Variants in PSEN2 observed in about 807,000 individuals in gnomAD.
PSEN2 encodes presenilin 2, also known as presenilin-2.
PSEN2 carries 32 observed loss-of-function variants against 49.1 expected under a neutral mutation model. That is an observed-to-expected ratio of 0.65 (90% CI 0.49 to 0.88). The LOEUF is 0.88. Ranked by LOEUF, PSEN2 falls within the 40% of genes least tolerant of loss-of-function variation. PSEN2 has a pLI of 0.00. For missense variants in PSEN2, 522 were observed against 586.9 expected (o/e 0.89, Z 1.14); for synonymous variants, 255 against 244.0 (o/e 1.05, Z -0.42).
At chr1:226,883,584 G>C (rs117724727) in intron 4 of PSEN2, 121 bp from the exon 5 acceptor site, 3 of 935,550 alleles carry the variant, frequency 3.2e-6, no homozygotes, top group Non-Finnish European at 5.1e-6. Context: ...CTCATAGACT[G>C]CTCCTTATAT....
chr1:226,895,655 G>A lies in PSEN2; in HGVS notation c.*76G>A. On this transcript the variant is annotated 3_prime_UTR_variant, in exon 13 of 13. Coordinates refer to ENST00000366783, the MANE Select transcript of PSEN2 (RefSeq NM_000447.3). ...CAGTTGTATAGTTTTACACTCTAGTGCCATATATTTTTAAGACTTTTCTTT... is the reference window on the plus strand; with the variant it reads ...CAGTTGTATAGTTTTACACTCTAGTACCATATATTTTTAAGACTTTTCTTT... 3.4e-6 allele frequency: 5 copies of A among 1,476,106 alleles called. No individual in the cohort carries two copies. Among genetic ancestry groups the A allele is most frequent in the Non-Finnish European group, 4.6e-6 (5 of 1,080,202 alleles). 91.4% of individuals were successfully genotyped at this position (1,476,106 alleles called of 1,614,324 possible).
rs139332886 is a variant in PSEN2 at position 226,883,728 on chromosome 1, C to A, written c.165C>A (p.Asp55Glu). The change falls in exon 5 of 13, where the codon GAC becomes GAA. Residue 55 changes from aspartate (D) to glutamate (E), a missense_variant. By Grantham distance (45) the Asp-to-Glu change is conservative (BLOSUM62 2). Coordinates refer to ENST00000366783, the MANE Select transcript of PSEN2 (RefSeq NM_000447.3). ...AQWRSQENEE[D>E]GEEDPDRYVC... is the part of the protein sequence containing the mutation. ...AGAGAAGCCAGGAGAACGAGGAGGA[C>A]GGTGAGGAGGACCCTGACCGCTATG... is the stretch of plus-strand genomic sequence containing the variant. The A allele has an allele frequency of 6.2e-7, 1 of 1,614,066 alleles. No individual in the cohort carries two copies.
intron 11 of PSEN2, among the ~76,000 whole-genome samples, chr1:226,892,592 C>CG (rs1661833969): frequency 6.6e-6 from 1 of 152,128 alleles, no homozygotes; most frequent in African/African-American, 2.4e-5. Flanking sequence ...GCTTGGCATA[C>CG]AGGACTCCAG....
chr1:226,874,093 T>C, intron 2 of PSEN2, among the ~76,000 whole-genome samples: 1 of 152,116 alleles, frequency 6.6e-6, no homozygotes, highest in East Asian at 1.9e-4. Context: ...TTGAGAGTTT[T>C]GAGGTGACAG....
chr1:226,884,020 C>A, intron 5 of PSEN2, 101 bp downstream of exon 5: 1 of 1,024,216 alleles, frequency 9.8e-7, no homozygotes, highest in Non-Finnish European at 1.5e-6. Flanking sequence ...TGCAGCTCCA[C>A]ACCAGCAGCG....
chr1:226,876,759 C>T (rs1355170198), intron 3 of PSEN2, among the ~76,000 whole-genome samples: 2 of 152,130 alleles, frequency 1.3e-5, no homozygotes, highest in Non-Finnish European at 2.9e-5. Flanking sequence ...TTTTGGTGGT[C>T]CTGTCACAGT....
At chr1:226,892,311 A>G (rs1661812436) in intron 11 of PSEN2, among the ~76,000 whole-genome samples, 1 of 152,190 alleles carries the variant, frequency 6.6e-6, no homozygotes, top group South Asian at 2.1e-4. Context: ...AGAGGAGCAC[A>G]GGGTGGGGAG....
At chr1:226,892,087 G>T (rs1661797844) in intron 11 of PSEN2, among the ~76,000 whole-genome samples, 1 of 152,212 alleles carries the variant, frequency 6.6e-6, no homozygotes, top group Admixed American at 6.5e-5. Context: ...GTGAGGCCCA[G>T]CCCTGGTGGG....
At chr1:226,900,546 A>C (rs1165918435), downstream of PSEN2, among the ~76,000 whole-genome samples, 1 of 152,222 alleles carries the variant, frequency 6.6e-6, no homozygotes, top group Non-Finnish European at 1.5e-5. Context: ...AGGGTCCTGT[A>C]ACCACTGCCT....
At chr1:226,880,682 T>C (rs1008980455) in intron 3 of PSEN2, 1 of 1,612,944 alleles carries the variant, frequency 6.2e-7, no homozygotes, top group Non-Finnish European at 8.5e-7. Context: ...CAGGCATTGT[T>C]TGAAGTTCTT....
Position 226,891,075 on chromosome 1 carries a change from CAG to C in PSEN2, c.887-202_887-201del, listed in dbSNP as rs1265549988. ...CTTATGCTTTAGGAGGGGAGACAAACAGTAACAGAATAGACAAATGCAAGAGA... is the reference window on the plus strand; with the variant it reads ...CTTATGCTTTAGGAGGGGAGACAAACTAACAGAATAGACAAATGCAAGAGA... On this transcript the variant is annotated intron_variant, in intron 9 of 12. Transcript: ENST00000366783. The C allele has an allele frequency of 1.0e-5, 6 of 602,102 alleles. No individual in the cohort carries two copies. The East Asian group carries it at 1.7e-4, about 17-fold the overall frequency. The allele number at this position is 602,102 out of a possible 1,614,324, so 37.3% of individuals were successfully genotyped here.
chr1:226,891,115 A>AC, intron 9 of PSEN2, 163 bp from the exon 10 acceptor site: 2 of 661,968 alleles, frequency 3.0e-6, no homozygotes, highest in East Asian at 2.7e-5. Flanking sequence ...GTGACTCTGG[A>AC]CCCCTCCCAC....
downstream of PSEN2, among the ~76,000 whole-genome samples, chr1:226,897,160 G>T (rs1662179810): frequency 6.6e-6 from 1 of 152,162 alleles, no homozygotes; most frequent in African/African-American, 2.4e-5. Context: ...AAGCAGACAG[G>T]GATGGTCCCT....
At position 226,870,648 on chromosome 1, in the gene PSEN2, A is replaced by AGGTGAGCGGGCGGTGCCGGGG. The variant is rs1391295232; in HGVS notation, c.-350+4_-350+24dup. 3 of 152,036 alleles carry AGGTGAGCGGGCGGTGCCGGGG rather than the reference A, an allele frequency of 2.0e-5. No homozygotes were observed. The highest frequency in any genetic ancestry group is 6.6e-5 in the Admixed American group (1 of 15,236). The allele number at this position is 152,036 out of a possible 1,614,324, so 9.4% of individuals were successfully genotyped here. The stretch of plus-strand genomic sequence containing the variant: ...CTCCGCTGGAGCGCGGCGGCAGAGC[A>AGGTGAGCGGGCGGTGCCGGGG]GGTGAGCGGGCGGTGCCGGGGGGTG... On this transcript the variant is annotated splice_region_variant and 5_prime_UTR_variant, in exon 1 of 13. Transcript: ENST00000366783.
intron 3 of PSEN2, among the ~76,000 whole-genome samples, chr1:226,876,629 C>T (rs529574118): frequency 7.2e-5 from 11 of 152,206 alleles, no homozygotes; most frequent in East Asian, 5.8e-4. Context: ...GTAATATTTC[C>T]GATCTTTTAT....
chr1:226,900,183 AAGGTAGACCTCCAT>A (rs1442494762), downstream of PSEN2, among the ~76,000 whole-genome samples: 2 of 152,198 alleles, frequency 1.3e-5, no homozygotes, highest in Admixed American at 1.3e-4. Flanking sequence ...AGTGGGGATT[AAGGTAGACCTCCAT>A]CCTGGGGTTA....
chr1:226,893,992 T>C lies in PSEN2; in HGVS notation c.1073-15T>C, dbSNP rs1387766489. The C allele has an allele frequency of 1.2e-6, 2 of 1,601,026 alleles. No homozygotes were observed. The highest frequency in any genetic ancestry group is 2.2e-5 in the East Asian group (1 of 44,818). On this transcript the variant is annotated splice_polypyrimidine_tract_variant and intron_variant, in intron 11 of 12. Transcript: ENST00000366783. ...CACGCCTCTTCAGTACGGGTTACTGTCTCTCCTCACACAGGGGGCGTGAAG... is the reference window on the plus strand; with the variant it reads ...CACGCCTCTTCAGTACGGGTTACTGCCTCTCCTCACACAGGGGGCGTGAAG...
chr1:226,891,926 T>A, intron 11 of PSEN2, 82 bp downstream of exon 11: 1 of 1,305,432 alleles, frequency 7.7e-7, no homozygotes, highest in Non-Finnish European at 1.1e-6. Flanking sequence ...GCAGCCTGGG[T>A]GGAGGAGGGC....
At chr1:226,890,955 T>C (rs983338362) in intron 9 of PSEN2, 14 of 381,226 alleles carry the variant, frequency 3.7e-5, no homozygotes, top group South Asian at 6.0e-5. Flanking sequence ...GCGGAGACCA[T>C]GTATGGAAAG....
Sources: allele counts gnomAD v4.1 joint callset (sites outside exome capture counted in the v4.1 genomes callset), GRCh38; gene constraint gnomAD v4.1.1; transcripts MANE v1.5; gene names NCBI Gene and HGNC (gene_info 2026-07-23, HGNC 2026-07-21).